ASAP2: variants seen among roughly 807,000 people sequenced by gnomAD.
The protein encoded by ASAP2 is arf-GAP with SH3 domain, ANK repeat and PH domain-containing protein 2.
Under a neutral mutation model 131.4 loss-of-function variants are expected in ASAP2, and 45 were observed. That is an observed-to-expected ratio of 0.34 (90% CI 0.27 to 0.44). The LOEUF is 0.44. ASAP2 is among the 20% of genes least tolerant of loss of function. The pLI, the probability that ASAP2 is intolerant of heterozygous loss-of-function variation, is 1.00. For synonymous variants in ASAP2, 510 were observed against 503.0 expected (o/e 1.01, Z -0.19); for missense variants, 1,011 against 1,297.0 (o/e 0.78, Z 3.39).
intron 11 of ASAP2, among the ~76,000 whole-genome samples, chr2:9,349,650 G>A (rs1035213599): frequency 3.9e-5 from 6 of 152,146 alleles, no homozygotes; most frequent in African/African-American, 1.4e-4. Context: ...ACACAGCCAC[G>A]AACCAGGAGA....
intron 4 of ASAP2, among the ~76,000 whole-genome samples, 174 bp downstream of exon 4, chr2:9,318,772 G>T (rs1669966187): frequency 6.6e-6 from 1 of 152,212 alleles, no homozygotes; most frequent in Admixed American, 6.5e-5. Context: ...AGCCAAAAAG[G>T]TGGTGACTTC....
chr2:9,383,435 T>G (rs1675024246), intron 20 of ASAP2, among the ~76,000 whole-genome samples: 1 of 152,030 alleles, frequency 6.6e-6, no homozygotes, highest in South Asian at 2.1e-4. Flanking sequence ...AGTTTTTAAA[T>G]TTTTTGTAGT....
At chr2:9,402,986 G>A (rs956696081) in intron 27 of ASAP2, among the ~76,000 whole-genome samples, 1 of 152,214 alleles carries the variant, frequency 6.6e-6, no homozygotes, top group African/African-American at 2.4e-5. Context: ...TGCCTCCCAA[G>A]AACAGGTGGG....
chr2:9,350,487 G>A (rs1034335534), intron 11 of ASAP2: 5 of 231,672 alleles, frequency 2.2e-5, no homozygotes, highest in African/African-American at 4.5e-5. Flanking sequence ...GAATGTTTTG[G>A]GCTTAGCCAT....
intron 1 of ASAP2, among the ~76,000 whole-genome samples, chr2:9,243,620 AG>A (rs1664137142): frequency 6.6e-6 from 1 of 152,326 alleles, no homozygotes; most frequent in Middle Eastern, 3.4e-3. Flanking sequence ...CTGTATTTGC[AG>A]GGAGATTGGA....
intron 1 of ASAP2, among the ~76,000 whole-genome samples, chr2:9,259,590 A>G (rs1036023237): frequency 2.0e-5 from 3 of 152,112 alleles, no homozygotes; most frequent in African/African-American, 2.4e-5. Flanking sequence ...GAACAGCACC[A>G]TCTGCATCTC....
intron 11 of ASAP2, among the ~76,000 whole-genome samples, chr2:9,349,099 A>G (rs1295498902): frequency 1.3e-5 from 2 of 152,224 alleles, no homozygotes; most frequent in African/African-American, 4.8e-5. Flanking sequence ...GGAAAATTAA[A>G]TGAATTATTT....
intron 1 of ASAP2, among the ~76,000 whole-genome samples, chr2:9,214,471 C>G (rs192654089): frequency 6.6e-6 from 1 of 152,132 alleles, no homozygotes; most frequent in Non-Finnish European, 1.5e-5. Context: ...AACTCCTGAC[C>G]TCAGGTGATC....
chr2:9,239,528 C>T (rs1663794322), intron 1 of ASAP2, among the ~76,000 whole-genome samples: 1 of 152,080 alleles, frequency 6.6e-6, no homozygotes. Context: ...TCTTATAACC[C>T]ATAGGTGTAG....
intron 2 of ASAP2, among the ~76,000 whole-genome samples, chr2:9,289,883 G>A (rs1265795410): frequency 1.3e-4 from 20 of 152,162 alleles, no homozygotes; most frequent in Admixed American, 1.3e-3. Context: ...TGTTTCTTGA[G>A]GAATCACATT....
At chr2:9,265,187 C>A (rs182360836) in intron 1 of ASAP2, among the ~76,000 whole-genome samples, 5 of 152,228 alleles carry the variant, frequency 3.3e-5, no homozygotes, top group African/African-American at 9.6e-5. Flanking sequence ...TACAGTGTAA[C>A]AACTGTTTAC....
At chr2:9,279,880 A>ATTTACACATACATGTTT (rs55996345) in intron 2 of ASAP2, among the ~76,000 whole-genome samples, 7 of 151,634 alleles carry the variant, frequency 4.6e-5, no homozygotes, top group Admixed American at 2.0e-4. Flanking sequence ...ACACATATAT[A>ATTTACACATACATGTTT]TTTACACATA....
At chr2:9,226,099 C>T (rs574984741) in intron 1 of ASAP2, among the ~76,000 whole-genome samples, 1 of 152,338 alleles carries the variant, frequency 6.6e-6, no homozygotes, top group Admixed American at 6.5e-5. Flanking sequence ...GAGCTAGTCT[C>T]ACCCTGGGGC....
intron 1 of ASAP2, among the ~76,000 whole-genome samples, chr2:9,210,628 C>T (rs35027722): frequency 0.24 from 36,199 of 151,512 alleles, 4,601 homozygotes; most frequent in Non-Finnish European, 0.28. Context: ...GATCCCCACT[C>T]ACTGCAAGCC....
chr2:9,339,870 C>T (rs1671460446), intron 9 of ASAP2, among the ~76,000 whole-genome samples: 1 of 152,224 alleles, frequency 6.6e-6, no homozygotes, highest in Admixed American at 6.5e-5. Flanking sequence ...TCACATTCCA[C>T]ATTCACTCTA....
At chr2:9,277,314 C>T (rs868226091) in intron 1 of ASAP2, among the ~76,000 whole-genome samples, 5 of 152,290 alleles carry the variant, frequency 3.3e-5, no homozygotes, top group Non-Finnish European at 5.9e-5. Flanking sequence ...CGCGAGTCTG[C>T]GGCTGGAAGA....
chr2:9,394,132 C>A (rs548963217), intron 24 of ASAP2, among the ~76,000 whole-genome samples: 54 of 149,934 alleles, frequency 3.6e-4, no homozygotes, highest in African/African-American at 1.2e-3. Flanking sequence ...AATAATGCCC[C>A]TTGTTGCAGA....
At chr2:9,322,892 C>A (rs1670241326) in intron 5 of ASAP2, among the ~76,000 whole-genome samples, 1 of 152,340 alleles carries the variant, frequency 6.6e-6, no homozygotes, top group East Asian at 1.9e-4. Context: ...TGACCCATAC[C>A]TGACTCAAAG....
chr2:9,303,954 C>T (rs1357266607), intron 3 of ASAP2, among the ~76,000 whole-genome samples: 1 of 152,230 alleles, frequency 6.6e-6, no homozygotes, highest in African/African-American at 2.4e-5. Context: ...GGGTGCTATC[C>T]ATGCGCTGGT....
Sources: allele counts gnomAD v4.1 joint callset (sites outside exome capture counted in the v4.1 genomes callset), GRCh38; gene constraint gnomAD v4.1.1; transcripts MANE v1.5; gene names NCBI Gene and HGNC (gene_info 2026-07-23, HGNC 2026-07-21).